Variants in TXNRD3 observed in about 807,000 individuals in gnomAD.
TXNRD3 encodes the protein TXNRD3 neighbor gene protein.
Under a neutral mutation model 78.2 loss-of-function variants are expected in TXNRD3, and 68 were observed. That is an observed-to-expected ratio of 0.87 (90% confidence interval 0.72 to 1.06). The LOEUF (loss-of-function observed/expected upper bound fraction) is 1.06, where lower values mean the gene tolerates loss of function less well. TXNRD3 is among the 50% of genes least tolerant of loss of function. The pLI is 0.00. For missense variants in TXNRD3, 751 were observed against 809.5 expected, an observed-to-expected ratio of 0.93 and a Z score of 0.88; for synonymous variants, 296 against 300.1, an observed-to-expected ratio of 0.99 and a Z score of 0.14.
At chr3:126,622,877 A>G (rs1322567625) in intron 10 of TXNRD3, among the ~76,000 whole-genome samples, 3 of 152,190 alleles carry the variant, frequency 2.0e-5, no homozygotes, top group African/African-American at 7.2e-5. Flanking sequence ...GCCTTAATCC[A>G]GTATGACTGG....
rs116445559 is a variant in TXNRD3 at position 126,652,122 on chromosome 3, G to C, written c.243+2626C>G. ...CACGGTTCTGTAGACTCTACAGGAA[G>C]CATGATACTGGCATCTCCCTGGCTT... On this transcript the variant is annotated intron_variant, in intron 1 of 15. Transcript: ENST00000524230. Among the ~76,000 whole-genome samples the C allele has an allele frequency of 4.4e-3, 676 of 152,260 alleles. 4 individuals are homozygous for C. The highest frequency in any genetic ancestry group is 0.016 in the African/African-American group (651 of 41,560).
intron 13 of TXNRD3, among the ~76,000 whole-genome samples, chr3:126,614,671 T>G (rs1938271674): frequency 6.6e-6 from 1 of 152,222 alleles, no homozygotes; most frequent in Non-Finnish European, 1.5e-5. Context: ...TCTTAAATCC[T>G]TAGGCCATTT....
chr3:126,618,688 C>A (rs1938371098), intron 12 of TXNRD3, among the ~76,000 whole-genome samples: 1 of 151,642 alleles, frequency 6.6e-6, no homozygotes, highest in Admixed American at 6.6e-5. Flanking sequence ...AAAACACAGG[C>A]AACAAAATGA....
At chr3:126,634,854 C>G (rs1488825060) in intron 6 of TXNRD3, among the ~76,000 whole-genome samples, 2 of 152,148 alleles carry the variant, frequency 1.3e-5, no homozygotes, top group Admixed American at 6.5e-5. Flanking sequence ...CTATCACTGT[C>G]AAGAAATGCC....
intron 9 of TXNRD3, 58 bp from the exon 10 acceptor site, chr3:126,629,529 G>T: frequency 1.5e-6 from 2 of 1,326,776 alleles, no homozygotes; most frequent in South Asian, 1.3e-5. Context: ...AGAAATACAC[G>T]AAAGGGTCTA....
intron 13 of TXNRD3, among the ~76,000 whole-genome samples, chr3:126,614,927 G>C (rs919886907): frequency 3.3e-5 from 5 of 152,148 alleles, no homozygotes; most frequent in African/African-American, 7.2e-5. Context: ...GACAGGGTTG[G>C]GGGGTAAACA....
intron 1 of TXNRD3, among the ~76,000 whole-genome samples, chr3:126,651,043 T>C (rs573651383): frequency 6.6e-5 from 10 of 152,306 alleles, no homozygotes; most frequent in Middle Eastern, 3.4e-3. Context: ...ATAACACTTA[T>C]TGAATGCCAT....
At chr3:126,610,990 C>A in intron 14 of TXNRD3, 47 bp downstream of exon 14, 1 of 1,147,202 alleles carries the variant, frequency 8.7e-7, no homozygotes, top group East Asian at 2.9e-5. Context: ...AAAATAAAAG[C>A]TACATTTAAA....
At chr3:126,647,188 C>T (rs766117809) in intron 2 of TXNRD3, 48 bp downstream of exon 2, 6 of 1,371,290 alleles carry the variant, frequency 4.4e-6, no homozygotes, top group Admixed American at 4.5e-5. Flanking sequence ...AAGTCAATCT[C>T]GCTGGCATTT....
At chr3:126,645,264 C>A (rs1031395601) in intron 3 of TXNRD3, among the ~76,000 whole-genome samples, 2 of 152,194 alleles carry the variant, frequency 1.3e-5, no homozygotes, top group South Asian at 2.1e-4. Context: ...ATCTGCCATC[C>A]AAGAAATATC....
intron 3 of TXNRD3, among the ~76,000 whole-genome samples, chr3:126,644,984 T>A (rs1045127148): frequency 6.6e-6 from 1 of 152,222 alleles, no homozygotes; most frequent in Non-Finnish European, 1.5e-5. Context: ...GTAGCTTAGA[T>A]GATGTTAGAG....
chr3:126,621,791 T>C lies in TXNRD3; in HGVS notation c.1475A>G (p.Gln492Arg), dbSNP rs1033412058. 188 of 1,533,310 alleles carry C rather than the reference T, an allele frequency of 1.2e-4. 1 individual carries two copies. In the East Asian group the frequency reaches 4.4e-3, roughly 36 times the overall value. The allele number at this position is 1,533,310 out of a possible 1,614,324, so 95.0% of individuals were successfully genotyped here. ...TCTCTGAGCTAGCAGCTTGCCTGAC[T>C]GTATGGCGACAGGAGTGAGCTCTGG... Residue 492 changes from glutamine (Q) to arginine (R), a missense_variant, in exon 12 of 16, where the codon CAG (glutamine) becomes CGG (arginine). Transcript: ENST00000524230.
intron 5 of TXNRD3, among the ~76,000 whole-genome samples, chr3:126,643,264 G>C (rs1933138790): frequency 6.6e-6 from 1 of 152,224 alleles, no homozygotes; most frequent in Admixed American, 6.5e-5. Context: ...GCAGGGCAGA[G>C]GCAGAGGGGG....
intron 7 of TXNRD3, among the ~76,000 whole-genome samples, chr3:126,632,296 G>A (rs73197940): frequency 0.035 from 5,261 of 152,258 alleles, 161 homozygotes; most frequent in African/African-American, 0.08. Context: ...AGCCAAGTGC[G>A]AAGGCCCTTA....
chr3:126,630,639 G>T, intron 9 of TXNRD3, 73 bp downstream of exon 9: 2 of 1,368,714 alleles, frequency 1.5e-6, no homozygotes, highest in South Asian at 1.3e-5. Flanking sequence ...ACTAATTTAT[G>T]TAATGAAATG....
chr3:126,636,503 T>C (rs1938865708), intron 6 of TXNRD3, among the ~76,000 whole-genome samples: 1 of 152,190 alleles, frequency 6.6e-6, no homozygotes, highest in African/African-American at 2.4e-5. Context: ...GTTTGTTTTC[T>C]AAAGCAGGAA....
chr3:126,633,767 A>C, intron 7 of TXNRD3, 142 bp downstream of exon 7: 2 of 485,610 alleles, frequency 4.1e-6, no homozygotes, highest in Non-Finnish European at 6.6e-6. Flanking sequence ...GGGGAGAAAC[A>C]CACACACATG....
rs1279024562 is a variant in TXNRD3, at chr3:126,607,933, T to C, written c.1904A>G (p.Asp635Gly). The change falls in exon 16 of 16, where the codon GAC (aspartate) becomes GGC (glycine). Residue 635 changes from aspartate to glycine, a missense_variant. By Grantham distance (94) the Asp-to-Gly change is moderately conservative. Coordinates refer to ENST00000524230, the MANE Select transcript of TXNRD3 (RefSeq NM_052883.3). ...GCCTCAGCAGCCTTTCTGAGTGATG[T>C]CTAGTCCTGACGACTTTGTGATTTC... 1.3e-6 allele frequency: 2 copies of C among 1,511,876 alleles called. No individual in the cohort carries two copies. The highest frequency in any genetic ancestry group is 2.5e-5 in the South Asian group (2 of 81,350). The allele number at this position is 1,511,876 out of a possible 1,614,324, so 93.7% of individuals were successfully genotyped here. A position where few individuals can be genotyped will look rare whatever the true frequency, so the allele number is the denominator to read the frequency against.
intron 14 of TXNRD3, among the ~76,000 whole-genome samples, chr3:126,610,790 TA>T (rs1938182034): frequency 6.6e-6 from 1 of 152,144 alleles, no homozygotes; most frequent in Non-Finnish European, 1.5e-5. Flanking sequence ...ACATGTTAAC[TA>T]AATGACAACG....
Sources: gnomAD v4.1 joint callset for allele counts (sites outside exome capture counted in the v4.1 genomes callset) on GRCh38, gnomAD v4.1.1 for gene constraint, MANE v1.5 for transcripts, NCBI Gene and HGNC (gene_info 2026-07-23, HGNC 2026-07-21) for gene names.